The following TTC17 variants were observed in gnomAD, a reference collection of about 807,000 sequenced individuals.
TTC17 encodes tetratricopeptide repeat protein 17.
In TTC17, 58 loss-of-function variants were observed where a neutral mutation model predicts 143.8. The observed-to-expected ratio is 0.40, with a 90% CI of 0.33 to 0.50. TTC17 has a LOEUF of 0.50. TTC17 is among the 20% of genes least tolerant of loss of function. The probability of loss-of-function intolerance (pLI) is 0.49; values close to 1 mark genes in which losing one functional copy is unlikely to be tolerated. For synonymous variants in TTC17, 501 were observed against 497.8 expected, an observed-to-expected ratio of 1.01 and a Z score of -0.09; for missense variants, 1,273 against 1,392.5, an observed-to-expected ratio of 0.91 and a Z score of 1.37.
intron 19 of TTC17, 112 bp from the exon 20 acceptor site, chr11:43,449,970 A>G (rs1565173030): frequency 1.6e-6 from 2 of 1,213,986 alleles, no homozygotes; most frequent in Non-Finnish European, 2.3e-6. Flanking sequence ...TGTTGAAGCT[A>G]TGATGAGCTG....
At chr11:43,375,662 A>G (rs921637235) in intron 1 of TTC17, among the ~76,000 whole-genome samples, 4 of 151,576 alleles carry the variant, frequency 2.6e-5, no homozygotes, top group African/African-American at 4.8e-5. Flanking sequence ...AAAAACAGTG[A>G]AAGTGTTCAG....
intron 21 of TTC17, among the ~76,000 whole-genome samples, chr11:43,457,961 C>G (rs1485254575): frequency 1.3e-5 from 2 of 152,034 alleles, no homozygotes; most frequent in Admixed American, 1.3e-4. Context: ...AGAAGCTCAG[C>G]AGACCCCAAG....
intron 1 of TTC17, among the ~76,000 whole-genome samples, chr11:43,369,616 TTTC>T (rs1477299199): frequency 6.6e-6 from 1 of 151,732 alleles, no homozygotes; most frequent in Admixed American, 6.6e-5. Flanking sequence ...TTGTTTCTGA[TTTC>T]TTTTTTTTTT....
chr11:43,493,395 G>A (rs549168993), intron 23 of TTC17, among the ~76,000 whole-genome samples: 5 of 152,282 alleles, frequency 3.3e-5, no homozygotes, highest in African/African-American at 1.2e-4. Context: ...GTTTCTGTGA[G>A]GATTAAATGG....
Position 43,490,368 on chromosome 11 carries a change from A to T in TTC17, c.3150+10A>T. The T allele has an allele frequency of 6.3e-7, 1 of 1,589,598 alleles. No homozygotes were observed. The highest frequency in any genetic ancestry group is 8.6e-7 in the Non-Finnish European group (1 of 1,163,748). On this transcript the variant is annotated intron_variant, in intron 22 of 23. Transcript: ENST00000039989. ...GCCACACCAGATGAAGGTGAGTGGG[A>T]CTCAGAAGGTGGGAACTTCTGCCCC...
chr11:43,391,929 C>T lies in TTC17; in HGVS notation c.640C>T (p.Leu214Phe), dbSNP rs137942695. 3 of 1,610,264 alleles carry T rather than the reference C, an allele frequency of 1.9e-6. No individual in the cohort carries two copies. Among genetic ancestry groups the T allele is most frequent in the African/African-American group, 2.7e-5 (2 of 74,746 alleles). Reference sequence around the variant, plus strand: ...AAGGAGTATAGATGACATAGGTCACCTCATTCATGAAGGCCTACAGAAGGT... The same window carrying T: ...AAGGAGTATAGATGACATAGGTCACTTCATTCATGAAGGCCTACAGAAGGT... The part of the protein sequence containing the change: ...LGRSIDDIGH[L>F]IHEGLQKNTS... The change falls in exon 5 of 24, where the codon CTC becomes TTC. Residue 214 changes from leucine (L) to phenylalanine (F), a missense_variant. By Grantham distance (22) the Leu-to-Phe change is conservative (BLOSUM62 0). Around this residue, in one of 3 missense-constraint regions of TTC17, gnomAD observed 325 missense variants for 444.2 expected, o/e 0.73. Coordinates refer to ENST00000039989, the MANE Select transcript of TTC17 (RefSeq NM_018259.6).
chr11:43,430,738 C>CACACAT (rs1290050596), intron 16 of TTC17, among the ~76,000 whole-genome samples: 1 of 151,292 alleles, frequency 6.6e-6, no homozygotes, highest in African/African-American at 2.4e-5. Flanking sequence ...CACACACACA[C>CACACAT]ACACACACAC....
chr11:43,417,501 G>C (rs1946804172), intron 16 of TTC17, among the ~76,000 whole-genome samples: 1 of 152,114 alleles, frequency 6.6e-6, no homozygotes, highest in Non-Finnish European at 1.5e-5. Flanking sequence ...CCATGTAATA[G>C]TCATGGAATT....
intron 21 of TTC17, among the ~76,000 whole-genome samples, chr11:43,451,884 C>G (rs1213259320): frequency 2.0e-5 from 3 of 152,136 alleles, no homozygotes; most frequent in Admixed American, 1.3e-4. Flanking sequence ...AACCCAACTT[C>G]AAGTATGAAT....
At chr11:43,405,398 A>G (rs904668245) in intron 11 of TTC17, 116 bp from the exon 12 acceptor site, 18 of 778,004 alleles carry the variant, frequency 2.3e-5, no homozygotes, top group Admixed American at 8.8e-5. Context: ...GTCTACCATA[A>G]TCTTAAGATA....
intron 13 of TTC17, 107 bp from the exon 14 acceptor site, chr11:43,407,031 T>C (rs1364058628): frequency 1.4e-6 from 1 of 712,470 alleles, no homozygotes; most frequent in Non-Finnish European, 2.3e-6. Flanking sequence ...TTTGTTCAAA[T>C]TAGCTGTTCC....
chr11:43,362,971 G>C (rs1316363786), intron 1 of TTC17, among the ~76,000 whole-genome samples: 1 of 152,168 alleles, frequency 6.6e-6, no homozygotes, highest in South Asian at 2.1e-4. Flanking sequence ...TCTCCGCTCT[G>C]TGCTGTTTTC....
At chr11:43,440,262 C>G (rs1947387239) in intron 16 of TTC17, among the ~76,000 whole-genome samples, 1 of 152,118 alleles carries the variant, frequency 6.6e-6, no homozygotes, top group African/African-American at 2.4e-5. Flanking sequence ...TGTTACAACC[C>G]CAGCCCTCAG....
At position 43,444,183 on chromosome 11, in the gene TTC17, C is replaced by G; in HGVS notation, c.2639C>G (p.Pro880Arg). The G allele has an allele frequency of 1.9e-6, 3 of 1,610,540 alleles. No homozygotes were observed. The highest frequency in any genetic ancestry group is 2.5e-6 in the Non-Finnish European group (3 of 1,178,648). The change falls in exon 18 of 24, where the codon CCC becomes CGC. Residue 880 changes from proline to arginine, a missense_variant. Coordinates refer to ENST00000039989, the MANE Select transcript of TTC17 (RefSeq NM_018259.6). ...CAAGCAAACCTAGAGATCACTGGCC[C>G]CAAGGTGGCATCTCCTGGGCCACAA... is the stretch of plus-strand genomic sequence containing the variant. ...RYQANLEITG[P>R]KVASPGPQGK...
chr11:43,407,150 C>T lies in TTC17; in HGVS notation c.1774C>T (p.Arg592Cys), dbSNP rs749177932. Residue 592 changes from arginine to cysteine, a missense_variant, in exon 14 of 24, where the codon CGT becomes TGT. Arg to Cys is a radical substitution (Grantham distance 180). Around this residue, in one of 3 missense-constraint regions of TTC17, gnomAD observed 878 missense variants for 899.8 expected, o/e 0.98. Coordinates refer to ENST00000039989, the MANE Select transcript of TTC17 (RefSeq NM_018259.6). ...DDHARKILLS[R>C]INNYTIPEEE... is the part of the protein sequence containing the mutation. ...TTTGATGTTTCAGATTTTGCTTTCC[C>T]GTATTAATAACTATACTATCCCAGA... is the stretch of plus-strand genomic sequence containing the variant. 1.3e-5 allele frequency: 21 copies of T among 1,580,680 alleles called. No individual in the cohort carries two copies. The highest frequency in any genetic ancestry group is 9.6e-5 in the African/African-American group (7 of 73,034).
intron 16 of TTC17, among the ~76,000 whole-genome samples, chr11:43,415,665 TTATTAG>T (rs1946762295): frequency 6.6e-6 from 1 of 152,196 alleles, no homozygotes; most frequent in East Asian, 1.9e-4. Context: ...ACATGAATAA[TTATTAG>T]TAGATTTGGG....
chr11:43,390,648 TAAAAA>T (rs1299647105), intron 3 of TTC17, among the ~76,000 whole-genome samples: 1 of 142,260 alleles, frequency 7.0e-6, no homozygotes, highest in East Asian at 2.0e-4. Context: ...TAAATAAAAA[TAAAAA>T]AATAAAAATG....
chr11:43,478,925 A>G lies in TTC17; in HGVS notation c.3031-11314A>G, dbSNP rs534297401. Among the ~76,000 whole-genome samples, 6 of 152,276 alleles carry G rather than the reference A, an allele frequency of 3.9e-5. No homozygotes were observed. In the South Asian group the frequency reaches 8.3e-4, roughly 21 times the overall value. Reference sequence around the variant, plus strand: ...TAACAAGGTGTGAGCCACCGCACCCAGCCAGGAGTGCAGCTTTTAAAAGAG... The same window carrying G: ...TAACAAGGTGTGAGCCACCGCACCCGGCCAGGAGTGCAGCTTTTAAAAGAG... On this transcript the variant is annotated intron_variant, in intron 21 of 23. Transcript: ENST00000039989.
At chr11:43,462,943 TC>T (rs1947898477) in intron 21 of TTC17, among the ~76,000 whole-genome samples, 3 of 133,374 alleles carry the variant, frequency 2.2e-5, no homozygotes, top group African/African-American at 8.9e-5. Context: ...TGAGACAGAG[TC>T]TCACTCTATT....
Sources: allele counts gnomAD v4.1 joint callset (sites outside exome capture counted in the v4.1 genomes callset), GRCh38; gene constraint gnomAD v4.1.1; regional missense constraint gnomAD v4.1.1; transcripts MANE v1.5; gene names NCBI Gene and HGNC (gene_info 2026-07-23, HGNC 2026-07-21).